Variants in MYRFL observed in about 807,000 individuals in gnomAD.
The protein encoded by MYRFL is myelin regulatory factor like.
A neutral mutation model predicts 109.4 loss-of-function variants in MYRFL; 88 were observed. The observed-to-expected ratio is 0.80, with a 90% confidence interval of 0.68 to 0.96. MYRFL has a LOEUF of 0.96. MYRFL is among the 40% of genes least tolerant of loss of function. The pLI is 0.00. For missense variants in MYRFL, 957 were observed against 954.9 expected (o/e 1.00, Z -0.03); for synonymous variants, 324 against 320.9 (o/e 1.01, Z -0.10).
At chr12:69,837,302 G>A (rs1883006154) in intron 1 of MYRFL, among the ~76,000 whole-genome samples, 1 of 152,048 alleles carries the variant, frequency 6.6e-6, no homozygotes, top group South Asian at 2.1e-4. Flanking sequence ...CTTACCCCTA[G>A]CCATTGTATA....
At chr12:69,910,731 G>A (rs1481539945) in intron 12 of MYRFL, 90 bp from the exon 13 acceptor site, 14 of 832,096 alleles carry the variant, frequency 1.7e-5, no homozygotes, top group Middle Eastern at 2.3e-4. Flanking sequence ...TGCTGCAAAT[G>A]TATTGTAGAT....
chr12:69,858,642 T>C (rs539953833), intron 2 of MYRFL, among the ~76,000 whole-genome samples: 9 of 152,106 alleles, frequency 5.9e-5, no homozygotes, highest in Admixed American at 3.3e-4. Context: ...GAGTTATTCA[T>C]AGTATTTTTT....
chr12:69,849,779 A>G (rs1199565965), intron 1 of MYRFL, among the ~76,000 whole-genome samples: 1 of 152,222 alleles, frequency 6.6e-6, no homozygotes, highest in African/African-American at 2.4e-5. Flanking sequence ...GTTGTATAAA[A>G]TATTTTTCCA....
intron 1 of MYRFL, among the ~76,000 whole-genome samples, chr12:69,842,633 C>G (rs1355719178): frequency 8.5e-5 from 13 of 152,206 alleles, no homozygotes; most frequent in Admixed American, 8.5e-4. Context: ...TGTTCTTCAC[C>G]TGCCTCCTGG....
intron 19 of MYRFL, among the ~76,000 whole-genome samples, chr12:69,945,952 C>A (rs1229513316): frequency 4.2e-4 from 54 of 129,402 alleles, no homozygotes; most frequent in African/African-American, 1.4e-3. Flanking sequence ...CCGCCACTGC[C>A]CTCCAGCCTG....
chr12:69,891,682 T>TTTCTTTCTTTCTTTCG (rs1277296623), intron 7 of MYRFL, among the ~76,000 whole-genome samples: 2,592 of 101,260 alleles, frequency 0.026, 117 homozygotes, highest in East Asian at 0.065. Flanking sequence ...TCTTTCTTTC[T>TTTCTTTCTTTCTTTCG]TTCGTTCGTT....
At chr12:69,868,906 G>GCA (rs1156372875) in intron 2 of MYRFL, among the ~76,000 whole-genome samples, 3 of 151,188 alleles carry the variant, frequency 2.0e-5, no homozygotes, top group African/African-American at 4.9e-5. Context: ...GTACGCACAC[G>GCA]CGCACACACA....
chr12:69,828,297 A>G (rs1254013824), intron 1 of MYRFL, among the ~76,000 whole-genome samples: 1 of 152,118 alleles, frequency 6.6e-6, no homozygotes, highest in Non-Finnish European at 1.5e-5. Flanking sequence ...AGATATGCAA[A>G]TGAAATATGT....
intron 10 of MYRFL, among the ~76,000 whole-genome samples, chr12:69,898,986 A>G (rs1050918888): frequency 2.0e-5 from 3 of 152,200 alleles, no homozygotes; most frequent in African/African-American, 7.2e-5. Flanking sequence ...CGAAAGTTCC[A>G]TGATTCGTAT....
Position 69,880,207 on chromosome 12 carries a change from A to G in MYRFL, c.471A>G (p.Ser157=), listed in dbSNP as rs1469508079. The change falls in exon 5 of 25, where the codon TCA becomes TCG. Residue 157 remains serine (S), a synonymous_variant. Transcript: ENST00000552032. ...QQPLCHSPGA[S]LPPTKKRKCT... is the part of the protein sequence containing the mutation. ...TTTGGTGTCTTGATTTTAGAGCCTC[A>G]TTGCCTCCAACCAAGAAGAGAAAGT... is the stretch of plus-strand genomic sequence containing the variant. 1.4e-6 allele frequency: 1 copy of G among 702,650 alleles called. No individual in the cohort carries two copies. The highest frequency in any genetic ancestry group is 2.6e-6 in the Non-Finnish European group (1 of 384,742). 43.5% of individuals were successfully genotyped at this position (702,650 alleles called of 1,614,324 possible). A position where few individuals can be genotyped will look rare whatever the true frequency, so the allele number is the denominator to read the frequency against.
chr12:69,886,943 G>A lies in MYRFL; in HGVS notation c.680G>A (p.Ser227Asn), dbSNP rs544928379. The A allele has an allele frequency of 2.6e-6, 4 of 1,535,876 alleles. No individual in the cohort carries two copies. The East Asian group carries it at 9.8e-5, about 38-fold the overall frequency. ...WQPCHSVPWH[S>N]LLNSHYEKLP... ...CCATGCCATAGTGTTCCTTGGCACA[G>A]CTTATTAAACAGTCATTATGAAAAA... The change falls in exon 6 of 25, where the codon AGC (serine) becomes AAC (asparagine). Residue 227 changes from serine to asparagine, a missense_variant. Coordinates refer to ENST00000552032, the MANE Select transcript of MYRFL (RefSeq NM_182530.3).
chr12:69,926,939 T>TTG (rs1955110387), intron 14 of MYRFL, among the ~76,000 whole-genome samples: 1 of 131,530 alleles, frequency 7.6e-6, no homozygotes, highest in Non-Finnish European at 1.7e-5. Context: ...GCTGGTTTTT[T>TTG]TTTTTTTTTT....
Position 69,926,740 on chromosome 12 carries a change from T to A in MYRFL, c.1766+6T>A. 1 of 1,441,728 alleles carries A rather than the reference T, an allele frequency of 6.9e-7. No individual in the cohort carries two copies. Among genetic ancestry groups the A allele is most frequent in the Non-Finnish European group, 9.1e-7 (1 of 1,096,364 alleles). The allele number at this position is 1,441,728 out of a possible 1,614,324, so 89.3% of individuals were successfully genotyped here. Reference sequence around the variant, plus strand: ...AGTGAAGCAAGCACAATCAGGTACGTGCAGCCAGGATTGCCATAGAAATTT... The same window carrying A: ...AGTGAAGCAAGCACAATCAGGTACGAGCAGCCAGGATTGCCATAGAAATTT... On this transcript the variant is annotated splice_donor_region_variant and intron_variant, in intron 14 of 24. Transcript: ENST00000552032.
rs545866500 is a variant in MYRFL, at chr12:69,835,504, A to T, written c.46+9941A>T. Among the ~76,000 whole-genome samples the T allele has an allele frequency of 2.0e-3, 305 of 152,254 alleles. 2 individuals are homozygous for T. The highest frequency in any genetic ancestry group is 7.2e-3 in the African/African-American group (301 of 41,544). On this transcript the variant is annotated intron_variant, in intron 1 of 24. Coordinates refer to ENST00000552032, the MANE Select transcript of MYRFL (RefSeq NM_182530.3). The stretch of plus-strand genomic sequence containing the variant: ...AAACAGTTTCTTAATTTGCATAGCT[A>T]TTTTTTTATTCATCTGTATTAAAAC...
rs1336716063 is a variant in MYRFL, at chr12:69,926,932, G to GTTTTTTTTTTTTTTT, written c.1766+198_1766+199insTTTTTTTTTTTTTTT. Among the ~76,000 whole-genome samples the GTTTTTTTTTTTTTTT allele has an allele frequency of 3.7e-3, 288 of 76,848 alleles. 108 individuals carry two copies. Among genetic ancestry groups the GTTTTTTTTTTTTTTT allele is most frequent in the Non-Finnish European group, 5.4e-3 (210 of 39,076 alleles). The allele number at this position is 76,848 out of a possible 152,430, so 50.4% of individuals were successfully genotyped here. A position where few individuals can be genotyped will look rare whatever the true frequency, so the allele number is the denominator to read the frequency against. The stretch of plus-strand genomic sequence containing the variant: ...ACTTTCTTAGTTTTTTTCTGTTGCT[G>GTTTTTTTTTTTTTTT]GTTTTTTTTTTTTTTTTTTTTTTTT... On this transcript the variant is annotated intron_variant, in intron 14 of 24. Transcript: ENST00000552032.
chr12:69,913,167 T>A (rs1017814016), intron 13 of MYRFL, among the ~76,000 whole-genome samples: 2 of 152,180 alleles, frequency 1.3e-5, no homozygotes, highest in African/African-American at 4.8e-5. Context: ...TTTACTGTTG[T>A]TAGGTTTCAG....
At chr12:69,912,433 A>C (rs1389883173) in intron 13 of MYRFL, among the ~76,000 whole-genome samples, 1 of 152,130 alleles carries the variant, frequency 6.6e-6, no homozygotes, top group Non-Finnish European at 1.5e-5. Context: ...TCATATTGTA[A>C]AACAAAAACT....
chr12:69,889,549 G>A (rs1158085874), intron 6 of MYRFL, among the ~76,000 whole-genome samples: 1 of 152,086 alleles, frequency 6.6e-6, no homozygotes, highest in East Asian at 1.9e-4. Flanking sequence ...TGAGCATCAT[G>A]TAGGTGTTCA....
chr12:69,878,902 C>A (rs1407789097), intron 2 of MYRFL, 126 bp from the exon 3 acceptor site: 5 of 663,112 alleles, frequency 7.5e-6, no homozygotes, highest in South Asian at 5.1e-5. Flanking sequence ...AACCCCTCAC[C>A]CCCCCATGCC....
Sources: allele counts gnomAD v4.1 joint callset (sites outside exome capture counted in the v4.1 genomes callset), GRCh38; gene constraint gnomAD v4.1.1; transcripts MANE v1.5; gene names NCBI Gene and HGNC (gene_info 2026-07-23, HGNC 2026-07-21).